POLDIP3: variants seen among roughly 807,000 people sequenced by gnomAD.
POLDIP3 encodes the protein DNA polymerase delta interacting protein 3.
POLDIP3 carries 14 observed loss-of-function variants against 45.1 expected under a neutral mutation model. The ratio of observed to expected loss-of-function variants is 0.31; its 90% CI spans 0.20 to 0.49. The LOEUF (loss-of-function observed/expected upper bound fraction) is 0.49, where lower values mean the gene tolerates loss of function less well. Ranked by LOEUF, POLDIP3 falls within the 20% of genes least tolerant of loss-of-function variation. The pLI is 0.99. For synonymous variants in POLDIP3, 223 were observed against 205.2 expected (o/e 1.09, Z -0.74); for missense variants, 511 against 538.8 (o/e 0.95, Z 0.51).
chr22:42,585,978 G>T lies in POLDIP3; in HGVS notation c.1089-10C>A, dbSNP rs752290820. ...GCTGTCACTCAGCCGCCTGTGGAGA[G>T]CAGAGAAGAGTCAAAAATTCTTGTC... On this transcript the variant is annotated splice_polypyrimidine_tract_variant and intron_variant, in intron 8 of 8. Transcript: ENST00000252115. The T allele has an allele frequency of 6.3e-7, 1 of 1,591,448 alleles. No homozygotes were observed. Among genetic ancestry groups the T allele is most frequent in the African/African-American group, 1.4e-5 (1 of 73,832 alleles).
In POLDIP3 at chr22:42,595,655, G is replaced by A. The variant is rs755807877; in HGVS notation, c.814-41C>T. ...GAGCATTACCAGAAGCCAGATGGCT[G>A]ATAAGCATTCCCACAACAGAAATTC... On this transcript the variant is annotated intron_variant, in intron 5 of 8. Transcript: ENST00000252115. 4 of 1,566,780 alleles carry A rather than the reference G, an allele frequency of 2.6e-6. No homozygotes were observed. In the African/African-American group the frequency reaches 4.1e-5, roughly 16 times the overall value.
At chr22:42,597,766 C>T in intron 4 of POLDIP3, 1 of 462,284 alleles carries the variant, frequency 2.2e-6, no homozygotes, top group South Asian at 1.6e-5. Flanking sequence ...TGGCATCATT[C>T]AGCTTCACGA....
At chr22:42,591,836 G>T in intron 7 of POLDIP3, 119 bp downstream of exon 7, 1 of 1,353,116 alleles carries the variant, frequency 7.4e-7, no homozygotes, top group Non-Finnish European at 1.0e-6. Context: ...TCCTGGTGCA[G>T]ACGAGGCCCC....
chr22:42,603,262 G>T lies in POLDIP3; in HGVS notation c.60-102C>A. On this transcript the variant is annotated intron_variant, in intron 1 of 8. Coordinates refer to ENST00000252115, the MANE Select transcript of POLDIP3 (RefSeq NM_032311.5). ...CACTGGGGACAGAGGAGGCCCTGGA[G>T]AATCAGAAAGCGGCTCCTTGCCTGT... 3.1e-6 allele frequency: 4 copies of T among 1,278,682 alleles called. No homozygotes were observed. In the South Asian group the frequency reaches 4.3e-5, roughly 14 times the overall value. 79.2% of individuals were successfully genotyped at this position (1,278,682 alleles called of 1,614,324 possible). A position where few individuals can be genotyped will look rare whatever the true frequency, so the allele number is the denominator to read the frequency against.
At position 42,584,605 on chromosome 22, in the gene POLDIP3, C is replaced by T. The variant is rs758508334; in HGVS notation, c.*1186G>A. 208 of 318,700 alleles carry T rather than the reference C, an allele frequency of 6.5e-4. No homozygotes were observed. Among genetic ancestry groups the T allele is most frequent in the Middle Eastern group, 1.1e-3 (1 of 886 alleles). 19.7% of individuals were successfully genotyped at this position (318,700 alleles called of 1,614,324 possible). A position where few individuals can be genotyped will look rare whatever the true frequency, so the allele number is the denominator to read the frequency against. On this transcript the variant is annotated 3_prime_UTR_variant, in exon 9 of 9. Coordinates refer to ENST00000252115, the MANE Select transcript of POLDIP3 (RefSeq NM_032311.5). ...CAGTGACAACACTGGCCTGGTCATT[C>T]AGGGACTGCCTGGGCTCTGAAGTTT...
chr22:42,602,126 T>C (rs769748289), intron 2 of POLDIP3, 70 bp from the exon 3 acceptor site: 2 of 1,607,128 alleles, frequency 1.2e-6, no homozygotes, highest in African/African-American at 2.7e-5. Context: ...AGGGGGTTAC[T>C]GAACTTGATA....
At chr22:42,591,136 G>T (rs1373444719) in intron 7 of POLDIP3, among the ~76,000 whole-genome samples, 2 of 151,246 alleles carry the variant, frequency 1.3e-5, no homozygotes, top group African/African-American at 2.4e-5. Flanking sequence ...AGGAAAATAA[G>T]TATCTTTCCA....
chr22:42,598,486 C>A (rs375278990), intron 4 of POLDIP3, among the ~76,000 whole-genome samples: 2 of 151,466 alleles, frequency 1.3e-5, no homozygotes, highest in African/African-American at 4.9e-5. Flanking sequence ...CTCCTGACTT[C>A]GTGATCCACC....
At chr22:42,596,044 G>T in intron 5 of POLDIP3, 142 bp downstream of exon 5, 1 of 866,218 alleles carries the variant, frequency 1.2e-6, no homozygotes, top group Non-Finnish European at 1.8e-6. Flanking sequence ...GAGGGTAAGA[G>T]TCCCTAGGTC....
chr22:42,591,914 A>G, intron 7 of POLDIP3, 41 bp downstream of exon 7: 1 of 1,612,648 alleles, frequency 6.2e-7, no homozygotes, highest in Non-Finnish European at 8.5e-7. Context: ...GCAAGTAGAG[A>G]TGAGTGGGAG....
chr22:42,599,253 A>G (rs1926192301), intron 4 of POLDIP3, among the ~76,000 whole-genome samples: 1 of 152,254 alleles, frequency 6.6e-6, no homozygotes, highest in African/African-American at 2.4e-5. Flanking sequence ...AAGGGAATGG[A>G]CTAGTTCCAG....
chr22:42,599,941 T>C, intron 3 of POLDIP3, 148 bp from the exon 4 acceptor site: 1 of 611,732 alleles, frequency 1.6e-6, no homozygotes, highest in South Asian at 2.1e-5. Flanking sequence ...CTGGAAAGAC[T>C]GGGGCCCAAG....
Position 42,585,186 on chromosome 22 carries a change from G to T in POLDIP3, c.*605C>A. On this transcript the variant is annotated 3_prime_UTR_variant, in exon 9 of 9. Transcript: ENST00000252115. Reference sequence around the variant, plus strand: ...GCTTAGATAGACTCTTCCCAGCGGTGCAGCCTCATCCTGCCCTTGCCACTA... The same window carrying T: ...GCTTAGATAGACTCTTCCCAGCGGTTCAGCCTCATCCTGCCCTTGCCACTA... 2.0e-6 allele frequency: 1 copy of T among 496,396 alleles called. No homozygotes were observed. Among genetic ancestry groups the T allele is most frequent in the Non-Finnish European group, 4.0e-6 (1 of 249,494 alleles). 30.7% of individuals were successfully genotyped at this position (496,396 alleles called of 1,614,324 possible).
chr22:42,614,717 C>A, intron 1 of POLDIP3, 82 bp downstream of exon 1: 1 of 1,487,342 alleles, frequency 6.7e-7, no homozygotes, highest in East Asian at 2.3e-5. Flanking sequence ...TCCTCCGCGT[C>A]GCTCCCGGAT....
chr22:42,585,640 G>T lies in POLDIP3; in HGVS notation c.*151C>A. ...AGGGCAGAACACAACACAGAAAGGC[G>T]GGTCCCATCCAGTGAGGAAGCTCTT... On this transcript the variant is annotated 3_prime_UTR_variant, in exon 9 of 9. Coordinates refer to ENST00000252115, the MANE Select transcript of POLDIP3 (RefSeq NM_032311.5). 1 of 840,408 alleles carries T rather than the reference G, an allele frequency of 1.2e-6. No homozygotes were observed. The highest frequency in any genetic ancestry group is 1.7e-5 in the South Asian group (1 of 59,080). 52.1% of individuals were successfully genotyped at this position (840,408 alleles called of 1,614,324 possible). A position where few individuals can be genotyped will look rare whatever the true frequency, so the allele number is the denominator to read the frequency against.
At position 42,596,347 on chromosome 22, in the gene POLDIP3, T is replaced by C. The variant is rs778399463; in HGVS notation, c.652A>G (p.Lys218Glu). ...LHHMAGLSSS[K>E]LSMSKALPLT... ...GGGAGGGCCTTGGACATGGAAAGCTTGGAACTGCTTAGCCCAGCCTAAACG... is the reference window on the plus strand; with the variant it reads ...GGGAGGGCCTTGGACATGGAAAGCTCGGAACTGCTTAGCCCAGCCTAAACG... The change falls in exon 5 of 9, where the codon AAG (lysine) becomes GAG (glutamate). Residue 218 changes from lysine to glutamate, a missense_variant. By Grantham distance (56) the Lys-to-Glu change is moderately conservative. This residue lies in a region of POLDIP3 where 378 missense variants were observed against 352.3 expected (regional missense o/e 1.07). Transcript: ENST00000252115. 1 of 1,614,120 alleles carries C rather than the reference T, an allele frequency of 6.2e-7. No homozygotes were observed.
intron 7 of POLDIP3, among the ~76,000 whole-genome samples, chr22:42,590,424 T>A (rs964796927): frequency 6.6e-6 from 1 of 152,188 alleles, no homozygotes; most frequent in African/African-American, 2.4e-5. Context: ...GCTCAAGCGA[T>A]CCTCCTGCCT....
At chr22:42,598,945 T>C (rs1434797209) in intron 4 of POLDIP3, among the ~76,000 whole-genome samples, 1 of 152,244 alleles carries the variant, frequency 6.6e-6, no homozygotes, top group Non-Finnish European at 1.5e-5. Flanking sequence ...AAGCTTTCCC[T>C]GCATGCAGGC....
intron 6 of POLDIP3, among the ~76,000 whole-genome samples, chr22:42,593,703 G>A (rs1925811069): frequency 6.6e-6 from 1 of 152,144 alleles, no homozygotes; most frequent in Non-Finnish European, 1.5e-5. Flanking sequence ...GTTTTTAGTA[G>A]AGACAGGGTT....
Sources: gnomAD v4.1 joint callset for allele counts (sites outside exome capture counted in the v4.1 genomes callset) on GRCh38, gnomAD v4.1.1 for gene constraint, gnomAD v4.1.1 regional missense constraint, MANE v1.5 for transcripts, NCBI Gene and HGNC (gene_info 2026-07-23, HGNC 2026-07-21) for gene names.